ODAD2: variants seen among roughly 807,000 people sequenced by gnomAD.
ODAD2 encodes the protein outer dynein arm docking complex subunit 2.
A neutral mutation model predicts 106.8 loss-of-function variants in ODAD2; 89 were observed. That is an observed-to-expected ratio of 0.83 (90% confidence interval 0.70 to 0.99). The LOEUF is 0.99. Among genes scored for constraint, ODAD2 ranks in the 50% least tolerant of loss-of-function variants. The probability of loss-of-function intolerance (pLI) is 0.00; values close to 1 mark genes in which losing one functional copy is unlikely to be tolerated. For missense variants in ODAD2, 1,168 were observed against 1,238.5 expected (o/e 0.94, Z 0.85); for synonymous variants, 404 against 436.2 (o/e 0.93, Z 0.92).
intron 19 of ODAD2, among the ~76,000 whole-genome samples, chr10:27,850,715 T>C (rs1382520278): frequency 1.3e-5 from 2 of 152,158 alleles, no homozygotes; most frequent in Non-Finnish European, 2.9e-5. Flanking sequence ...TACCTTCCTG[T>C]CTAAAATAAT....
intron 16 of ODAD2, among the ~76,000 whole-genome samples, chr10:27,919,628 G>A (rs893053203): frequency 2.0e-5 from 3 of 152,058 alleles, no homozygotes; most frequent in African/African-American, 7.2e-5. Flanking sequence ...CTATTAGAAT[G>A]ACTAAATTTT....
chr10:27,905,469 C>A (rs1018421432), intron 17 of ODAD2, among the ~76,000 whole-genome samples: 14 of 152,198 alleles, frequency 9.2e-5, no homozygotes, highest in African/African-American at 3.4e-4. Flanking sequence ...TAAATGCTAT[C>A]CCTATCAAGC....
intron 19 of ODAD2, among the ~76,000 whole-genome samples, chr10:27,844,326 T>C (rs1215091120): frequency 6.6e-6 from 1 of 152,226 alleles, no homozygotes; most frequent in African/African-American, 2.4e-5. Flanking sequence ...AAAGAGGATG[T>C]GGGAGTTCTA....
chr10:27,942,892 T>C (rs1046451433), intron 12 of ODAD2, among the ~76,000 whole-genome samples: 1 of 152,236 alleles, frequency 6.6e-6, no homozygotes, highest in African/African-American at 2.4e-5. Flanking sequence ...TTATAGTGCT[T>C]TACAGATGAC....
intron 17 of ODAD2, among the ~76,000 whole-genome samples, chr10:27,904,771 C>T (rs1396565090): frequency 6.6e-6 from 1 of 152,220 alleles, no homozygotes; most frequent in African/African-American, 2.4e-5. Flanking sequence ...AACTTACCAA[C>T]TCCATGAAAC....
At chr10:27,859,460 G>A (rs1839890863) in intron 19 of ODAD2, among the ~76,000 whole-genome samples, 1 of 152,014 alleles carries the variant, frequency 6.6e-6, no homozygotes, top group Non-Finnish European at 1.5e-5. Context: ...TTGCCAATTG[G>A]TATTTTAAGA....
At chr10:27,897,690 G>A (rs189555483) in intron 17 of ODAD2, among the ~76,000 whole-genome samples, 202 of 152,236 alleles carry the variant, frequency 1.3e-3, no homozygotes, top group African/African-American at 3.6e-3. Flanking sequence ...TCGTGTTGCC[G>A]CAATGATAAA....
At chr10:27,864,389 A>T (rs1840281379) in intron 17 of ODAD2, among the ~76,000 whole-genome samples, 1 of 146,046 alleles carries the variant, frequency 6.8e-6, no homozygotes, top group Non-Finnish European at 1.5e-5. Flanking sequence ...ATGCAGATGA[A>T]TGTATGGGCT....
chr10:27,823,334 G>C (rs1313906196), intron 19 of ODAD2, among the ~76,000 whole-genome samples: 1 of 152,154 alleles, frequency 6.6e-6, no homozygotes, highest in Admixed American at 6.5e-5. Flanking sequence ...TTTGCTATTG[G>C]TTAGATCAAA....
intron 16 of ODAD2, among the ~76,000 whole-genome samples, chr10:27,914,623 T>G (rs1844235478): frequency 6.6e-6 from 1 of 152,110 alleles, no homozygotes; most frequent in African/African-American, 2.4e-5. Flanking sequence ...TTTGTGGTTA[T>G]CTCCTCTGTA....
intron 12 of ODAD2, among the ~76,000 whole-genome samples, chr10:27,941,683 C>T (rs966267594): frequency 5.5e-5 from 8 of 144,450 alleles, no homozygotes; most frequent in African/African-American, 2.0e-4. Context: ...AGCAGTATGT[C>T]AGGTTGCCCC....
At chr10:27,919,182 G>C (rs910025075) in intron 16 of ODAD2, among the ~76,000 whole-genome samples, 3 of 151,910 alleles carry the variant, frequency 2.0e-5, no homozygotes, top group African/African-American at 7.2e-5. Flanking sequence ...GAGATACCAA[G>C]TTAATCAAAT....
At chr10:27,995,824 G>T (rs1850528582) in intron 1 of ODAD2, 1 of 152,122 alleles carries the variant, frequency 6.6e-6, no homozygotes, top group Non-Finnish European at 1.5e-5. Flanking sequence ...AGAATATCTG[G>T]ACAATCCAAA....
At chr10:27,974,837 G>A (rs1288683880) in intron 7 of ODAD2, among the ~76,000 whole-genome samples, 2 of 151,994 alleles carry the variant, frequency 1.3e-5, no homozygotes, top group Non-Finnish European at 2.9e-5. Context: ...GGGCAGTATG[G>A]CCATTTGAGT....
chr10:27,923,755 C>T (rs544459668), intron 16 of ODAD2, among the ~76,000 whole-genome samples: 1 of 151,922 alleles, frequency 6.6e-6, no homozygotes, highest in East Asian at 1.9e-4. Context: ...CAAGACCAGC[C>T]TGGACAACAG....
chr10:27,878,557 T>A (rs1170246554), intron 17 of ODAD2, among the ~76,000 whole-genome samples: 1 of 152,040 alleles, frequency 6.6e-6, no homozygotes, highest in Non-Finnish European at 1.5e-5. Flanking sequence ...AGAAGAGCTA[T>A]AAAAACACCA....
intron 17 of ODAD2, among the ~76,000 whole-genome samples, chr10:27,868,896 G>A (rs1840652182): frequency 6.7e-6 from 1 of 149,812 alleles, no homozygotes; most frequent in Non-Finnish European, 1.5e-5. Context: ...CATAAAAAAA[G>A]AGAATAAGGA....
At chr10:27,826,707 C>T (rs1002232954) in intron 19 of ODAD2, among the ~76,000 whole-genome samples, 2 of 152,150 alleles carry the variant, frequency 1.3e-5, no homozygotes, top group African/African-American at 4.8e-5. Flanking sequence ...TCTCCACATC[C>T]TCTGGAAGCT....
intron 19 of ODAD2, among the ~76,000 whole-genome samples, chr10:27,834,363 T>TACA (rs1189843827): frequency 6.6e-6 from 1 of 152,084 alleles, no homozygotes; most frequent in Non-Finnish European, 1.5e-5. Flanking sequence ...GGAATAGACA[T>TACA]ACAACCCGTG....
Sources: gnomAD v4.1 joint callset for allele counts (sites outside exome capture counted in the v4.1 genomes callset) on GRCh38, gnomAD v4.1.1 for gene constraint, MANE v1.5 for transcripts, NCBI Gene and HGNC (gene_info 2026-07-23, HGNC 2026-07-21) for gene names.